Variants in PDS5A observed in about 807,000 individuals in gnomAD.
PDS5A encodes the protein sister chromatid cohesion protein PDS5 homolog A.
Under a neutral mutation model 167.1 loss-of-function variants are expected in PDS5A, and 42 were observed. The ratio of observed to expected loss-of-function variants is 0.25; its 90% CI spans 0.20 to 0.33. PDS5A has a LOEUF of 0.33. Ranked by LOEUF, PDS5A falls within the 10% of genes least tolerant of loss-of-function variation. The pLI is 1.00. For synonymous variants in PDS5A, 553 were observed against 554.6 expected (o/e 1.00, Z 0.04); for missense variants, 1,033 against 1,605.9 (o/e 0.64, Z 6.10).
At chr4:39,897,874 A>G (rs974605947) in intron 16 of PDS5A, 8 of 247,060 alleles carry the variant, frequency 3.2e-5, no homozygotes, top group African/African-American at 1.6e-4. Context: ...AGGAAAAAAA[A>G]AAAAAAAGCT....
chr4:39,961,647 G>A (rs1335044651), intron 2 of PDS5A, among the ~76,000 whole-genome samples: 2 of 152,088 alleles, frequency 1.3e-5, no homozygotes, highest in African/African-American at 4.8e-5. Flanking sequence ...TCTTGCCTTG[G>A]CCTTCCAAAG....
chr4:39,959,918 G>A (rs905325898), intron 2 of PDS5A, among the ~76,000 whole-genome samples: 10 of 151,772 alleles, frequency 6.6e-5, no homozygotes, highest in Admixed American at 1.3e-4. Flanking sequence ...GTGAAACCCC[G>A]CCATCTCTAC....
At chr4:39,902,699 T>G (rs1722984578) in intron 12 of PDS5A, among the ~76,000 whole-genome samples, 1 of 152,020 alleles carries the variant, frequency 6.6e-6, no homozygotes, top group Non-Finnish European at 1.5e-5. Flanking sequence ...ATTTTTATAT[T>G]TTTTGTAGAG....
chr4:39,827,021 AGGCAGAGTCTT>A (rs1283244706), intron 32 of PDS5A, among the ~76,000 whole-genome samples: 3 of 150,014 alleles, frequency 2.0e-5, no homozygotes, highest in African/African-American at 7.4e-5. Context: ...TTTTTTTTTG[AGGCAGAGTCTT>A]GCTCTGTTGC....
At chr4:39,965,538 A>C (rs1729892817) in intron 2 of PDS5A, among the ~76,000 whole-genome samples, 2 of 152,274 alleles carry the variant, frequency 1.3e-5, no homozygotes, top group Admixed American at 1.3e-4. Context: ...AATGTGGTAC[A>C]TACATACAAT....
intron 16 of PDS5A, among the ~76,000 whole-genome samples, chr4:39,895,213 A>AG: frequency 6.8e-6 from 1 of 146,456 alleles, no homozygotes; most frequent in East Asian, 2.3e-4. Context: ...AAAAAAAAAA[A>AG]AAAAAAAAAG....
Position 39,917,191 on chromosome 4 carries a change from G to GT in PDS5A, c.736-4dup, listed in dbSNP as rs143472141. 0.027 allele frequency: 41,022 copies of GT among 1,528,842 alleles called. 1,648 individuals carry two copies. The highest frequency in any genetic ancestry group is 0.21 in the East Asian group (8,374 of 40,732). The allele number at this position is 1,528,842 out of a possible 1,614,324, so 94.7% of individuals were successfully genotyped here. A position where few individuals can be genotyped will look rare whatever the true frequency, so the allele number is the denominator to read the frequency against. On this transcript the variant is annotated splice_region_variant and splice_polypyrimidine_tract_variant and intron_variant, in intron 7 of 32. Transcript: ENST00000303538. ...AGCACCAGGACTTGATTGAAAAACT[G>GT]TAAGAGATATTAAAAACAAAAAGAA...
chr4:39,885,964 GAA>G (rs1404207294), intron 17 of PDS5A, among the ~76,000 whole-genome samples: 5 of 151,848 alleles, frequency 3.3e-5, no homozygotes, highest in African/African-American at 1.2e-4. Flanking sequence ...CAAAAAAAGA[GAA>G]AGAAAAAAAA....
At chr4:39,876,898 C>T in intron 19 of PDS5A, 95 bp downstream of exon 19, 2 of 871,888 alleles carry the variant, frequency 2.3e-6, no homozygotes, top group Non-Finnish European at 3.4e-6. Context: ...TGTCTTTCTT[C>T]CCTCCTATCT....
chr4:39,887,480 A>G (rs1721574745), intron 17 of PDS5A, among the ~76,000 whole-genome samples: 1 of 152,158 alleles, frequency 6.6e-6, no homozygotes, highest in South Asian at 2.1e-4. Flanking sequence ...TGTGATGAAT[A>G]TTTTTAATGT....
chr4:39,908,280 G>C (rs1208920590), intron 11 of PDS5A, 115 bp downstream of exon 11: 2 of 816,798 alleles, frequency 2.4e-6, no homozygotes, highest in Non-Finnish European at 4.1e-6. Flanking sequence ...CTTTATCATT[G>C]TTATTAATTT....
At chr4:39,885,052 C>T (rs950453172) in intron 17 of PDS5A, among the ~76,000 whole-genome samples, 1 of 151,892 alleles carries the variant, frequency 6.6e-6, no homozygotes, top group Non-Finnish European at 1.5e-5. Flanking sequence ...TGCTTGAGCA[C>T]AGGAGCTCGA....
At chr4:39,930,246 A>AAAAAAAAAAAAAAAAAATTTTTTTTT in intron 2 of PDS5A, among the ~76,000 whole-genome samples, 1 of 93,088 alleles carries the variant, frequency 1.1e-5, no homozygotes, top group African/African-American at 3.7e-5. Flanking sequence ...AAAAAAAAAA[A>AAAAAAAAAAAAAAAAAATTTTTTTTT]GTTTTTTTGT....
intron 31 of PDS5A, among the ~76,000 whole-genome samples, chr4:39,841,738 A>G (rs774976469): frequency 1.3e-5 from 2 of 152,258 alleles, no homozygotes; most frequent in Non-Finnish European, 2.9e-5. Context: ...GCCAGACCAC[A>G]TAAATTCTTA....
At chr4:39,909,613 T>C (rs529670620) in intron 10 of PDS5A, among the ~76,000 whole-genome samples, 1 of 152,262 alleles carries the variant, frequency 6.6e-6, no homozygotes, top group South Asian at 2.1e-4. Flanking sequence ...TCCAGAATAT[T>C]TTATAATCTG....
chr4:39,973,225 A>T, intron 2 of PDS5A: 1 of 1,356,534 alleles, frequency 7.4e-7, no homozygotes, highest in Non-Finnish European at 1.1e-6. Context: ...GAACCTTAGA[A>T]CAGAGTGACT....
intron 2 of PDS5A, among the ~76,000 whole-genome samples, chr4:39,962,844 C>G (rs1004170420): frequency 6.6e-6 from 1 of 152,110 alleles, no homozygotes; most frequent in African/African-American, 2.4e-5. Flanking sequence ...TGCCTGTAGT[C>G]CCAGCTACTT....
At chr4:39,895,829 T>C (rs1202813921) in intron 16 of PDS5A, among the ~76,000 whole-genome samples, 2 of 151,670 alleles carry the variant, frequency 1.3e-5, no homozygotes, top group Non-Finnish European at 2.9e-5. Flanking sequence ...ACCATTCTCC[T>C]GCCTCAGCCT....
At chr4:39,900,322 A>C in intron 14 of PDS5A, 104 bp downstream of exon 14, 1 of 690,332 alleles carries the variant, frequency 1.4e-6, no homozygotes, top group South Asian at 1.8e-5. Context: ...CATTTGGAAA[A>C]TAAAACAACT....
Sources: allele counts gnomAD v4.1 joint callset (sites outside exome capture counted in the v4.1 genomes callset), GRCh38; gene constraint gnomAD v4.1.1; transcripts MANE v1.5; gene names NCBI Gene and HGNC (gene_info 2026-07-23, HGNC 2026-07-21).